Variants in SRRM3 observed in about 807,000 individuals in gnomAD.
SRRM3 encodes serine/arginine repetitive matrix 3, also known as serine/arginine repetitive matrix protein 3.
Under a neutral mutation model 66.2 loss-of-function variants are expected in SRRM3, and 27 were observed. That is an observed-to-expected ratio of 0.41 (90% CI 0.30 to 0.56). The LOEUF is 0.56. SRRM3 is among the 20% of genes least tolerant of loss of function. The pLI, the probability that SRRM3 is intolerant of heterozygous loss-of-function variation, is 0.32. For missense variants in SRRM3, 918 were observed against 991.9 expected (o/e 0.93, Z 1.00); for synonymous variants, 391 against 414.9 (o/e 0.94, Z 0.70).
intron 3 of SRRM3, among the ~76,000 whole-genome samples, chr7:76,251,468 G>A (rs1186886738): frequency 2.0e-5 from 3 of 151,296 alleles, no homozygotes; most frequent in Admixed American, 6.6e-5. Context: ...TCCGCCTCCC[G>A]GGTTCACGCC....
intron 1 of SRRM3, among the ~76,000 whole-genome samples, chr7:76,207,109 C>A (rs530034667): frequency 1.3e-5 from 2 of 151,718 alleles, no homozygotes; most frequent in South Asian, 4.2e-4. Context: ...GCCTAGGCGG[C>A]ATAGCAAGAC....
Position 76,265,409 on chromosome 7 carries a change from T to A in SRRM3, c.771T>A (p.Ser257Arg). The A allele has an allele frequency of 6.2e-7, 1 of 1,606,218 alleles. No individual in the cohort carries two copies. Among genetic ancestry groups the A allele is most frequent in the South Asian group, 1.1e-5 (1 of 89,288 alleles). ...SPGRRSHRHS[S>R]GSSHSPSLSS... ...GCCGGAGGTCTCATCGCCATAGCAG[T>A]GGCAGCTCCCACAGCCCCTCCCTCT... The change falls in exon 10 of 15, where the codon AGT (serine) becomes AGA (arginine). Residue 257 changes from serine to arginine, a missense_variant. Ser to Arg is a moderately radical substitution (Grantham distance 110). Coordinates refer to ENST00000611745, the MANE Select transcript of SRRM3 (RefSeq NM_001110199.3).
At chr7:76,206,759 T>C (rs1554601193) in intron 1 of SRRM3, among the ~76,000 whole-genome samples, 4 of 152,222 alleles carry the variant, frequency 2.6e-5, no homozygotes, top group African/African-American at 7.2e-5. Flanking sequence ...GCCTAAAGCC[T>C]CTGGCCTGTC....
At chr7:76,234,194 A>AGTGTGTGTGTGTGTGTGTGTGT (rs58369922) in intron 1 of SRRM3, among the ~76,000 whole-genome samples, 13 of 141,078 alleles carry the variant, frequency 9.2e-5, no homozygotes, top group African/African-American at 2.8e-4. Context: ...AAGTCCTTGG[A>AGTGTGTGTGTGTGTGTGTGTGT]GTGTGTGTGT....
intron 1 of SRRM3, among the ~76,000 whole-genome samples, chr7:76,210,309 G>C (rs550983833): frequency 6.6e-6 from 1 of 152,190 alleles, no homozygotes; most frequent in East Asian, 1.9e-4. Flanking sequence ...AGGCAGGAAA[G>C]CTGGAACATT....
intron 1 of SRRM3, among the ~76,000 whole-genome samples, chr7:76,219,041 G>C (rs1260254383): frequency 6.6e-6 from 1 of 152,120 alleles, no homozygotes; most frequent in African/African-American, 2.4e-5. Context: ...TTTTAGTAGA[G>C]ATGGCCATGT....
rs1230433353 is a variant in SRRM3, at chr7:76,235,206, T to G, written c.140T>G (p.Val47Gly). 6.4e-7 allele frequency: 1 copy of G among 1,551,218 alleles called. No homozygotes were observed. ...EELRAAEPGL[V>G]KRAHREILDH... ...CTGCGCGCCGCGGAGCCGGGCCTGG[T>G]GAAGCGCGCGCACCGCGAGATCCTG... is the stretch of plus-strand genomic sequence containing the variant. Residue 47 changes from valine to glycine, a missense_variant, in exon 2 of 15, where the codon GTG becomes GGG. Physicochemically the swap from Val to Gly is moderately radical, Grantham distance 109. Transcript: ENST00000611745.
At chr7:76,230,752 CTT>C (rs782632581) in intron 1 of SRRM3, among the ~76,000 whole-genome samples, 5 of 83,606 alleles carry the variant, frequency 6.0e-5, no homozygotes, top group Admixed American at 1.2e-4. Flanking sequence ...CTTTTACTTA[CTT>C]TTTTTTTTTT....
At chr7:76,237,179 G>A (rs1012176234) in intron 2 of SRRM3, among the ~76,000 whole-genome samples, 5 of 152,150 alleles carry the variant, frequency 3.3e-5, no homozygotes, top group African/African-American at 9.7e-5. Context: ...AGGACAAGGC[G>A]GGCAGATCGT....
At chr7:76,284,724 C>G (rs1554612513) in intron 14 of SRRM3, among the ~76,000 whole-genome samples, 1 of 152,200 alleles carries the variant, frequency 6.6e-6, no homozygotes, top group East Asian at 1.9e-4. Flanking sequence ...TAACGTACAC[C>G]TGTTTTCTTC....
At chr7:76,251,616 C>T (rs1801584471) in intron 3 of SRRM3, among the ~76,000 whole-genome samples, 1 of 152,008 alleles carries the variant, frequency 6.6e-6, no homozygotes, top group Non-Finnish European at 1.5e-5. Context: ...CCTTGTGATC[C>T]GCCTGCCTTG....
Position 76,256,327 on chromosome 7 carries a change from T to C in SRRM3, c.336-3579T>C, listed in dbSNP as rs562585938. ...TTCGAGACCAGCCTGTCCAACATGG[T>C]GAAACCCCGTCTCTACTAAAAATAC... On this transcript the variant is annotated intron_variant, in intron 3 of 14. Coordinates refer to ENST00000611745, the MANE Select transcript of SRRM3 (RefSeq NM_001110199.3). 2.2e-4 allele frequency among the ~76,000 whole-genome samples: 34 copies of C among 152,076 alleles called. No homozygotes were observed. The South Asian group carries it at 6.9e-3, about 31-fold the overall frequency.
intron 6 of SRRM3, 91 bp downstream of exon 6, chr7:76,260,994 G>GGACCCTC: frequency 7.4e-7 from 1 of 1,360,320 alleles, no homozygotes; most frequent in South Asian, 1.3e-5. Flanking sequence ...CCGGAGGCCT[G>GGACCCTC]GACCCTCAGG....
At chr7:76,258,003 A>G (rs1178948390) in intron 3 of SRRM3, among the ~76,000 whole-genome samples, 1 of 152,114 alleles carries the variant, frequency 6.6e-6, no homozygotes, top group African/African-American at 2.4e-5. Context: ...GAAAAAAAGA[A>G]GCGCTCTGAG....
chr7:76,263,651 G>A (rs527293300), intron 8 of SRRM3, among the ~76,000 whole-genome samples: 1 of 151,686 alleles, frequency 6.6e-6, no homozygotes, highest in East Asian at 1.9e-4. Context: ...CTTGAGGCCA[G>A]GAGTTCGAGA....
At chr7:76,204,464 G>T (rs886081549) in intron 1 of SRRM3, among the ~76,000 whole-genome samples, 1 of 152,144 alleles carries the variant, frequency 6.6e-6, no homozygotes, top group Non-Finnish European at 1.5e-5. Flanking sequence ...AGGCCTGAAG[G>T]TGTGATGGGA....
chr7:76,255,126 T>C (rs1339667891), intron 3 of SRRM3, among the ~76,000 whole-genome samples: 1 of 102,934 alleles, frequency 9.7e-6, no homozygotes, highest in Non-Finnish European at 2.0e-5. Context: ...ATTTTTCCTT[T>C]TCTTTCTTTC....
intron 2 of SRRM3, among the ~76,000 whole-genome samples, chr7:76,247,946 C>A (rs1005178706): frequency 6.6e-6 from 1 of 152,178 alleles, no homozygotes; most frequent in Non-Finnish European, 1.5e-5. Flanking sequence ...CTGCCTGCCT[C>A]GGACACCCAA....
chr7:76,225,207 T>C (rs1285012438), intron 1 of SRRM3, among the ~76,000 whole-genome samples: 1 of 152,158 alleles, frequency 6.6e-6, no homozygotes, highest in African/African-American at 2.4e-5. Context: ...TAAGCTAAAG[T>C]CTTCTGACTC....
Sources: allele counts gnomAD v4.1 joint callset (sites outside exome capture counted in the v4.1 genomes callset), GRCh38; gene constraint gnomAD v4.1.1; transcripts MANE v1.5; gene names NCBI Gene and HGNC (gene_info 2026-07-23, HGNC 2026-07-21).